The following RFX3 variants were observed in gnomAD, a reference collection of about 807,000 sequenced individuals.
RFX3 encodes the protein regulatory factor X3, also known as transcription factor RFX3.
In RFX3, 14 loss-of-function variants were observed where a neutral mutation model predicts 98.6. That is an observed-to-expected ratio of 0.14 (90% CI 0.09 to 0.22). The LOEUF (loss-of-function observed/expected upper bound fraction) is 0.22, where lower values mean the gene tolerates loss of function less well. RFX3 is among the 10% of genes least tolerant of loss of function. RFX3 has a pLI of 1.00. For synonymous variants in RFX3, 383 were observed against 328.4 expected (o/e 1.17, Z -1.80); for missense variants, 639 against 926.9 (o/e 0.69, Z 4.03).
chr9:3,317,928 T>C (rs572507728), intron 4 of RFX3, among the ~76,000 whole-genome samples: 3 of 152,204 alleles, frequency 2.0e-5, no homozygotes, highest in Non-Finnish European at 4.4e-5. Flanking sequence ...TTGGTGGGAC[T>C]GTAAGCTAGT....
At chr9:3,514,742 A>G (rs1817987127) in intron 1 of RFX3, among the ~76,000 whole-genome samples, 1 of 152,222 alleles carries the variant, frequency 6.6e-6, no homozygotes, top group South Asian at 2.1e-4. Flanking sequence ...AGCTAAACAA[A>G]GTATTTTAAA....
chr9:3,418,188 T>G (rs1419143482), intron 1 of RFX3, among the ~76,000 whole-genome samples: 1 of 152,214 alleles, frequency 6.6e-6, no homozygotes, highest in Admixed American at 6.5e-5. Flanking sequence ...AGCAATGCCT[T>G]AGTTTCTCAA....
chr9:3,329,429 C>CAAAAAAAAAAAAAA (rs1056225979), intron 4 of RFX3, among the ~76,000 whole-genome samples: 1 of 108,282 alleles, frequency 9.2e-6, no homozygotes, highest in African/African-American at 4.3e-5. Context: ...AAAAAAAAAA[C>CAAAAAAAAAAAAAA]AAAAAACCAC....
chr9:3,374,855 T>G (rs894356272), intron 2 of RFX3, among the ~76,000 whole-genome samples: 5 of 63,314 alleles, frequency 7.9e-5, no homozygotes, highest in African/African-American at 3.2e-4. Context: ...CCATAATTTT[T>G]AAAAATACAG....
At chr9:3,491,178 T>C (rs1013728612) in intron 1 of RFX3, among the ~76,000 whole-genome samples, 2 of 152,102 alleles carry the variant, frequency 1.3e-5, no homozygotes, top group African/African-American at 4.8e-5. Context: ...TGAGTATATA[T>C]GAATAGGCAA....
chr9:3,350,873 C>G (rs1468914506), intron 2 of RFX3, among the ~76,000 whole-genome samples: 1 of 152,030 alleles, frequency 6.6e-6, no homozygotes, highest in East Asian at 1.9e-4. Flanking sequence ...TTTCAACTAT[C>G]TGACATTCTG....
At chr9:3,472,185 G>A (rs1026288640) in intron 1 of RFX3, among the ~76,000 whole-genome samples, 1 of 152,232 alleles carries the variant, frequency 6.6e-6, no homozygotes, top group Non-Finnish European at 1.5e-5. Flanking sequence ...GGAATTGACA[G>A]GAAGAGGGAA....
intron 1 of RFX3, among the ~76,000 whole-genome samples, chr9:3,510,238 C>T (rs1587902612): frequency 6.6e-6 from 1 of 151,804 alleles, no homozygotes; most frequent in Non-Finnish European, 1.5e-5. Flanking sequence ...GAAAGATACT[C>T]ATCACAGGGG....
At chr9:3,486,291 C>G (rs1275075355) in intron 1 of RFX3, among the ~76,000 whole-genome samples, 1 of 151,986 alleles carries the variant, frequency 6.6e-6, no homozygotes, top group Non-Finnish European at 1.5e-5. Context: ...TTTTTTATGA[C>G]AAATAAAAAT....
chr9:3,424,348 C>CT (rs748693786), intron 1 of RFX3, among the ~76,000 whole-genome samples: 1,777 of 75,984 alleles, frequency 0.023, 641 homozygotes, highest in Non-Finnish European at 0.031. Flanking sequence ...ACATAATTGA[C>CT]TTTTTTTTTT....
At chr9:3,271,795 A>G (rs546042613) in intron 9 of RFX3, among the ~76,000 whole-genome samples, 30 of 152,194 alleles carry the variant, frequency 2.0e-4, no homozygotes, top group Non-Finnish European at 4.3e-4. Context: ...AGCTGACCAC[A>G]GGTTCCACTG....
At chr9:3,323,113 A>G (rs1691064433) in intron 4 of RFX3, among the ~76,000 whole-genome samples, 1 of 152,226 alleles carries the variant, frequency 6.6e-6, no homozygotes, top group Admixed American at 6.5e-5. Flanking sequence ...AGGAAACCAG[A>G]TAATTCTGTG....
chr9:3,488,908 C>T (rs927945547), intron 1 of RFX3: 10 of 984,196 alleles, frequency 1.0e-5, no homozygotes, highest in Middle Eastern at 1.0e-3. Flanking sequence ...AAAACAAAGA[C>T]CATATATCAA....
intron 1 of RFX3, among the ~76,000 whole-genome samples, chr9:3,454,899 G>T (rs181118081): frequency 6.6e-6 from 1 of 152,144 alleles, no homozygotes; most frequent in South Asian, 2.1e-4. Flanking sequence ...ACTAAGCTAC[G>T]AATGGTAAAA....
intron 1 of RFX3, among the ~76,000 whole-genome samples, chr9:3,457,139 C>CAA (rs1169959832): frequency 0.019 from 438 of 22,776 alleles, 58 homozygotes; most frequent in Middle Eastern, 0.091. Context: ...GACTCCATCT[C>CAA]AAAAAAAAAA....
intron 1 of RFX3, among the ~76,000 whole-genome samples, chr9:3,501,182 C>T (rs1815960629): frequency 6.6e-6 from 1 of 152,038 alleles, no homozygotes; most frequent in Non-Finnish European, 1.5e-5. Context: ...CTAGTAACAC[C>T]CTATTACATT....
At chr9:3,356,868 GA>G (rs1587284517) in intron 2 of RFX3, among the ~76,000 whole-genome samples, 1 of 150,816 alleles carries the variant, frequency 6.6e-6, no homozygotes, top group East Asian at 1.9e-4. Flanking sequence ...CAATATAAAA[GA>G]AAAAAACATA....
intron 10 of RFX3, 134 bp from the exon 11 acceptor site, chr9:3,270,659 G>T: frequency 1.2e-6 from 1 of 852,370 alleles, no homozygotes; most frequent in African/African-American, 1.7e-5. Context: ...GTGCCATACA[G>T]CTGGCTATAT....
At chr9:3,480,671 A>G (rs12238307) in intron 1 of RFX3, among the ~76,000 whole-genome samples, 25,856 of 152,166 alleles carry the variant, frequency 0.17, 3,827 homozygotes, top group East Asian at 0.57. Flanking sequence ...GAGTCAATCT[A>G]CGTTCACCAG....
Sources: gnomAD v4.1 joint callset for allele counts (sites outside exome capture counted in the v4.1 genomes callset) on GRCh38, gnomAD v4.1.1 for gene constraint, MANE v1.5 for transcripts, NCBI Gene and HGNC (gene_info 2026-07-23, HGNC 2026-07-21) for gene names.